Variants in CCSER2 observed in about 807,000 individuals in gnomAD.
CCSER2 encodes the protein serine-rich coiled-coil domain-containing protein 2.
A neutral mutation model predicts 92.3 loss-of-function variants in CCSER2; 46 were observed. That is an observed-to-expected ratio of 0.50 (90% confidence interval 0.39 to 0.64). CCSER2 has a LOEUF of 0.64. Ranked by LOEUF, CCSER2 falls within the 30% of genes least tolerant of loss-of-function variation. The probability of loss-of-function intolerance (pLI) is 0.00; values close to 1 mark genes in which losing one functional copy is unlikely to be tolerated. For missense variants in CCSER2, 1,244 were observed against 1,238.9 expected, an observed-to-expected ratio of 1.00 and a Z score of -0.06; for synonymous variants, 433 against 431.4, an observed-to-expected ratio of 1.00 and a Z score of -0.04.
intron 1 of CCSER2, among the ~76,000 whole-genome samples, chr10:84,331,926 A>G (rs537907782): frequency 6.6e-6 from 1 of 152,340 alleles, no homozygotes; most frequent in East Asian, 1.9e-4. Flanking sequence ...ATAATTGGAC[A>G]TCTAGATTGT....
intron 3 of CCSER2, among the ~76,000 whole-genome samples, chr10:84,406,551 A>G (rs1004736156): frequency 1.3e-5 from 2 of 152,172 alleles, no homozygotes; most frequent in African/African-American, 2.4e-5. Context: ...AGGAAGTTCT[A>G]TGGTAAACCT....
At chr10:84,399,367 C>G (rs1841998836) in intron 3 of CCSER2, among the ~76,000 whole-genome samples, 1 of 152,028 alleles carries the variant, frequency 6.6e-6, no homozygotes. Context: ...TGATCTCATT[C>G]TTTTTTATGG....
At chr10:84,464,100 A>T in intron 7 of CCSER2, 84 bp downstream of exon 7, 1 of 700,798 alleles carries the variant, frequency 1.4e-6, no homozygotes. Flanking sequence ...AAACAATAAT[A>T]AATGTATTAA....
intron 3 of CCSER2, among the ~76,000 whole-genome samples, chr10:84,386,126 G>A (rs1043861478): frequency 6.6e-6 from 1 of 152,178 alleles, no homozygotes; most frequent in African/African-American, 2.4e-5. Flanking sequence ...TTATAACACT[G>A]TTGGTGGGAA....
chr10:84,473,018 T>C (rs1455121988), intron 8 of CCSER2: 1 of 152,188 alleles, frequency 6.6e-6, no homozygotes, highest in Non-Finnish European at 1.5e-5. Context: ...TCTTTTTGTA[T>C]TGATTTGTTG....
At chr10:84,469,084 T>C (rs1846625818) in intron 7 of CCSER2, among the ~76,000 whole-genome samples, 2 of 152,210 alleles carry the variant, frequency 1.3e-5, no homozygotes, top group African/African-American at 4.8e-5. Context: ...AGGCTGTTAA[T>C]ATACTTGAGA....
rs184787585 is a variant in CCSER2 at position 84,431,613 on chromosome 10, G to A, written c.1868+5720G>A. Among the ~76,000 whole-genome samples, 51 of 152,132 alleles carry A rather than the reference G, an allele frequency of 3.4e-4. 1 individual carries two copies. The highest frequency in any genetic ancestry group is 2.8e-3 in the Admixed American group (42 of 15,268). ...AAAAATTAGCTGGGCGTGGTGGCAC[G>A]TGTCTATAGTCCCATCTACTTGGGA... On this transcript the variant is annotated intron_variant, in intron 5 of 9. Transcript: ENST00000372088.
chr10:84,458,065 A>AT (rs987506064), intron 6 of CCSER2, among the ~76,000 whole-genome samples: 52 of 150,712 alleles, frequency 3.5e-4, no homozygotes, highest in Non-Finnish European at 6.9e-4. Flanking sequence ...AAAATTTATC[A>AT]TTTTTTTGCC....
intron 1 of CCSER2, among the ~76,000 whole-genome samples, chr10:84,345,677 T>C (rs974516200): frequency 1.3e-5 from 2 of 152,178 alleles, no homozygotes; most frequent in Non-Finnish European, 2.9e-5. Context: ...TTATGACATG[T>C]TTTCTTGTCA....
chr10:84,399,584 A>G (rs1447207941), intron 3 of CCSER2, among the ~76,000 whole-genome samples: 1 of 152,180 alleles, frequency 6.6e-6, no homozygotes, highest in East Asian at 1.9e-4. Flanking sequence ...TTTAAATAAG[A>G]TAATGGCATT....
intron 8 of CCSER2, among the ~76,000 whole-genome samples, chr10:84,474,522 A>G (rs553030201): frequency 2.6e-5 from 4 of 152,140 alleles, no homozygotes; most frequent in African/African-American, 7.2e-5. Context: ...TTAGCTGGGC[A>G]TGGTGGCACA....
At chr10:84,495,607 T>G (rs1369895109) in intron 9 of CCSER2, among the ~76,000 whole-genome samples, 1 of 152,188 alleles carries the variant, frequency 6.6e-6, no homozygotes, top group South Asian at 2.1e-4. Context: ...TTTATGAGAT[T>G]ATGCTTCAGC....
chr10:84,398,821 G>T (rs940499121), intron 3 of CCSER2, among the ~76,000 whole-genome samples: 2 of 151,792 alleles, frequency 1.3e-5, no homozygotes, highest in African/African-American at 4.8e-5. Context: ...GGTATTCTTT[G>T]TGAAGAATTT....
At chr10:84,390,669 G>C (rs1841470502) in intron 3 of CCSER2, among the ~76,000 whole-genome samples, 1 of 152,130 alleles carries the variant, frequency 6.6e-6, no homozygotes, top group African/African-American at 2.4e-5. Context: ...TTGTTATATG[G>C]TGCACGACTG....
At chr10:84,505,868 G>GATTT (rs3044063) in intron 9 of CCSER2, among the ~76,000 whole-genome samples, 84,200 of 151,234 alleles carry the variant, frequency 0.56, 25,904 homozygotes, top group Non-Finnish European at 0.66. Flanking sequence ...CAGCTTGTGG[G>GATTT]ATTTTTTTTA....
intron 6 of CCSER2, among the ~76,000 whole-genome samples, chr10:84,444,478 T>C (rs902623571): frequency 1.3e-5 from 2 of 152,154 alleles, no homozygotes; most frequent in African/African-American, 4.8e-5. Flanking sequence ...GTAGGTAATA[T>C]TGGCTTCACC....
intron 5 of CCSER2, among the ~76,000 whole-genome samples, chr10:84,433,462 T>C (rs893101175): frequency 6.6e-6 from 1 of 151,888 alleles, no homozygotes; most frequent in African/African-American, 2.4e-5. Context: ...TACACAAGTA[T>C]ACACACACAG....
chr10:84,395,824 G>T (rs1245650651), intron 3 of CCSER2, among the ~76,000 whole-genome samples: 1 of 152,160 alleles, frequency 6.6e-6, no homozygotes, highest in Non-Finnish European at 1.5e-5. Context: ...GGCTTATCTT[G>T]TATTTTCCCT....
At chr10:84,489,676 G>A (rs1848032774) in intron 9 of CCSER2, among the ~76,000 whole-genome samples, 1 of 152,126 alleles carries the variant, frequency 6.6e-6, no homozygotes, top group Admixed American at 6.5e-5. Flanking sequence ...ACACTGATGG[G>A]TCTTGACTCT....
Sources: gnomAD v4.1 joint callset for allele counts (sites outside exome capture counted in the v4.1 genomes callset) on GRCh38, gnomAD v4.1.1 for gene constraint, MANE v1.5 for transcripts, NCBI Gene and HGNC (gene_info 2026-07-23, HGNC 2026-07-21) for gene names.